Variants in ARHGAP24 observed in about 807,000 individuals in gnomAD.
ARHGAP24 encodes the protein Rho GTPase activating protein 24.
ARHGAP24 carries 50 observed loss-of-function variants against 76.4 expected under a neutral mutation model. The observed-to-expected ratio is 0.65, with a 90% confidence interval of 0.52 to 0.83. The LOEUF (loss-of-function observed/expected upper bound fraction) is 0.83, where lower values mean the gene tolerates loss of function less well. ARHGAP24 is among the 40% of genes least tolerant of loss of function. The probability of loss-of-function intolerance (pLI) is 0.00; values close to 1 mark genes in which losing one functional copy is unlikely to be tolerated. For synonymous variants in ARHGAP24, 345 were observed against 323.3 expected (o/e 1.07, Z -0.72); for missense variants, 930 against 914.2 (o/e 1.02, Z -0.22).
intron 3 of ARHGAP24, among the ~76,000 whole-genome samples, chr4:85,734,275 G>C (rs1030065028): frequency 6.6e-6 from 1 of 152,138 alleles, no homozygotes; most frequent in African/African-American, 2.4e-5. Flanking sequence ...TTTACTCTTA[G>C]TGTTTTGTTT....
chr4:85,740,508 C>T (rs1160038691), intron 3 of ARHGAP24, among the ~76,000 whole-genome samples: 2 of 152,010 alleles, frequency 1.3e-5, no homozygotes, highest in South Asian at 2.1e-4. Context: ...CCCACCCAGC[C>T]GATATTCTTT....
intron 2 of ARHGAP24, among the ~76,000 whole-genome samples, chr4:85,717,230 T>C (rs1724767539): frequency 6.6e-6 from 1 of 152,094 alleles, no homozygotes; most frequent in African/African-American, 2.4e-5. Flanking sequence ...ATTGAAGTCA[T>C]CTTTTACTCT....
intron 8 of ARHGAP24, chr4:85,991,785 A>G (rs1453350841): frequency 5.4e-6 from 1 of 184,142 alleles, no homozygotes; most frequent in Non-Finnish European, 1.1e-5. Flanking sequence ...ACATTTGTCA[A>G]AAATCATCAG....
At chr4:85,648,107 A>C (rs538291221) in intron 2 of ARHGAP24, among the ~76,000 whole-genome samples, 1 of 152,292 alleles carries the variant, frequency 6.6e-6, no homozygotes, top group African/African-American at 2.4e-5. Flanking sequence ...CACCTGTTGT[A>C]GGAAATGTGT....
At chr4:85,615,148 C>T (rs1282583598) in intron 2 of ARHGAP24, among the ~76,000 whole-genome samples, 1 of 151,924 alleles carries the variant, frequency 6.6e-6, no homozygotes, top group African/African-American at 2.4e-5. Context: ...TGTATAAATA[C>T]AGTAAATTTT....
At chr4:85,884,118 T>C (rs1290302983) in intron 3 of ARHGAP24, among the ~76,000 whole-genome samples, 3 of 152,204 alleles carry the variant, frequency 2.0e-5, no homozygotes, top group African/African-American at 7.2e-5. Context: ...CAAAACTTAT[T>C]GCCCATTTCA....
intron 2 of ARHGAP24, among the ~76,000 whole-genome samples, chr4:85,683,102 C>T (rs1281785252): frequency 1.6e-4 from 2 of 12,868 alleles, no homozygotes; most frequent in Non-Finnish European, 3.1e-4. Context: ...TTAACTCTCT[C>T]AGTGTGTGGG....
intron 2 of ARHGAP24, among the ~76,000 whole-genome samples, chr4:85,721,556 T>C (rs1412599216): frequency 1.3e-5 from 2 of 152,186 alleles, no homozygotes; most frequent in Non-Finnish European, 2.9e-5. Flanking sequence ...CATAAGATTA[T>C]ACTACCAATT....
At chr4:85,685,840 A>G (rs1355974280) in intron 2 of ARHGAP24, among the ~76,000 whole-genome samples, 2 of 152,206 alleles carry the variant, frequency 1.3e-5, no homozygotes, top group African/African-American at 2.4e-5. Context: ...ACATTTCACA[A>G]TTTTATGGGT....
chr4:85,631,160 TA>T (rs1479459401), intron 2 of ARHGAP24, among the ~76,000 whole-genome samples: 2 of 152,140 alleles, frequency 1.3e-5, no homozygotes, highest in Admixed American at 6.5e-5. Flanking sequence ...CTGAGATAAT[TA>T]AAACAACTTG....
At chr4:85,705,565 G>A (rs1013651551) in intron 2 of ARHGAP24, among the ~76,000 whole-genome samples, 13 of 152,272 alleles carry the variant, frequency 8.5e-5, no homozygotes, top group African/African-American at 2.6e-4. Context: ...TTATAGTCCA[G>A]CATTTTTAGA....
chr4:85,982,802 G>A (rs889518665), intron 8 of ARHGAP24, among the ~76,000 whole-genome samples: 2 of 152,084 alleles, frequency 1.3e-5, no homozygotes, highest in South Asian at 2.1e-4. Context: ...CACATGTACA[G>A]GATTTGCAGG....
intron 2 of ARHGAP24, among the ~76,000 whole-genome samples, chr4:85,666,784 T>G (rs1722636554): frequency 6.6e-6 from 1 of 152,224 alleles, no homozygotes; most frequent in Non-Finnish European, 1.5e-5. Flanking sequence ...TGCCTGGGTA[T>G]CAGTAGCGGT....
intron 2 of ARHGAP24, among the ~76,000 whole-genome samples, chr4:85,705,953 G>T (rs925172077): frequency 6.6e-6 from 1 of 152,116 alleles, no homozygotes; most frequent in Non-Finnish European, 1.5e-5. Flanking sequence ...GGAAGACAAT[G>T]GGGGCATGGT....
chr4:85,933,398 G>A (rs1231632063), intron 4 of ARHGAP24, among the ~76,000 whole-genome samples: 1 of 152,098 alleles, frequency 6.6e-6, no homozygotes, highest in Non-Finnish European at 1.5e-5. Context: ...CCAGAGGCCT[G>A]GTTACATTAG....
At chr4:85,963,980 T>G (rs965481556) in intron 5 of ARHGAP24, among the ~76,000 whole-genome samples, 2 of 152,084 alleles carry the variant, frequency 1.3e-5, no homozygotes, top group Non-Finnish European at 2.9e-5. Context: ...ATTCATGTGC[T>G]AGGAGGACAG....
rs772314465 is a variant in ARHGAP24, at chr4:85,808,375, C to T, written c.268+86403C>T. Among the ~76,000 whole-genome samples, 5 of 152,176 alleles carry T rather than the reference C, an allele frequency of 3.3e-5. No homozygotes were observed. In the East Asian group the frequency reaches 5.8e-4, roughly 18 times the overall value. Reference sequence around the variant, plus strand: ...TGCTCTAAACACTTTGCCACTTTAACCTTTTTTTTCTTTTTGGTTCATTGT... The same window carrying T: ...TGCTCTAAACACTTTGCCACTTTAATCTTTTTTTTCTTTTTGGTTCATTGT... On this transcript the variant is annotated intron_variant, in intron 3 of 9. Transcript: ENST00000395184.
intron 4 of ARHGAP24, among the ~76,000 whole-genome samples, chr4:85,932,094 G>A (rs1223075928): frequency 6.6e-6 from 1 of 151,982 alleles, no homozygotes; most frequent in Non-Finnish European, 1.5e-5. Context: ...GCTAAGACCT[G>A]GCAACAATCA....
intron 3 of ARHGAP24, among the ~76,000 whole-genome samples, chr4:85,876,988 A>G (rs1480018264): frequency 6.6e-6 from 1 of 152,176 alleles, no homozygotes. Flanking sequence ...ATATTGACAT[A>G]CTTTTTAAAC....
Sources: gnomAD v4.1 joint callset for allele counts (sites outside exome capture counted in the v4.1 genomes callset) on GRCh38, gnomAD v4.1.1 for gene constraint, MANE v1.5 for transcripts, NCBI Gene and HGNC (gene_info 2026-07-23, HGNC 2026-07-21) for gene names.